AGBL4: variants seen among roughly 807,000 people sequenced by gnomAD.
The protein encoded by AGBL4 is cytosolic carboxypeptidase 6.
A neutral mutation model predicts 66.4 loss-of-function variants in AGBL4; 58 were observed. That is an observed-to-expected ratio of 0.87 (90% CI 0.71 to 1.09). The LOEUF is 1.09. Among genes scored for constraint, AGBL4 ranks in the 50% least tolerant of loss-of-function variants. The pLI is 0.00. For synonymous variants in AGBL4, 234 were observed against 222.9 expected (o/e 1.05, Z -0.44); for missense variants, 579 against 631.0 (o/e 0.92, Z 0.88).
intron 11 of AGBL4, among the ~76,000 whole-genome samples, chr1:48,548,762 T>TC (rs772996529): frequency 1.3e-5 from 2 of 152,106 alleles, no homozygotes; most frequent in East Asian, 3.9e-4. Flanking sequence ...ACTTCTCCTT[T>TC]CCCCCTAGTT....
At chr1:48,609,117 A>T (rs1253384263) in intron 9 of AGBL4, among the ~76,000 whole-genome samples, 1 of 152,156 alleles carries the variant, frequency 6.6e-6, no homozygotes, top group African/African-American at 2.4e-5. Context: ...GGAGGCCAAG[A>T]TGTGGATAAA....
chr1:48,818,763 C>T (rs1646244651), intron 6 of AGBL4, among the ~76,000 whole-genome samples: 1 of 151,714 alleles, frequency 6.6e-6, no homozygotes, highest in South Asian at 2.1e-4. Context: ...TTATAATATG[C>T]ATGCAAAAAA....
intron 11 of AGBL4, among the ~76,000 whole-genome samples, chr1:48,546,789 CAAAA>C (rs1644167678): frequency 6.7e-6 from 1 of 149,610 alleles, no homozygotes; most frequent in South Asian, 2.1e-4. Flanking sequence ...TGGTTAAAAA[CAAAA>C]GAAGACAAAA....
chr1:48,650,751 GTTACAGGGAGGATGTGGACCCCCTCT>G (rs1645916132), intron 8 of AGBL4, among the ~76,000 whole-genome samples: 1 of 152,182 alleles, frequency 6.6e-6, no homozygotes, highest in South Asian at 2.1e-4. Context: ...CATAACACTG[GTTACAGGGAGGATGTGGACCCCCTCT>G]CACTTAACTT....
At chr1:48,835,631 G>T (rs192436631) in intron 6 of AGBL4, among the ~76,000 whole-genome samples, 1 of 152,222 alleles carries the variant, frequency 6.6e-6, no homozygotes, top group East Asian at 1.9e-4. Context: ...TTCAGGGGTA[G>T]TTCAGGGGTC....
chr1:49,874,663 AT>A (rs1391560285), intron 1 of AGBL4, among the ~76,000 whole-genome samples: 5 of 152,138 alleles, frequency 3.3e-5, no homozygotes, highest in Non-Finnish European at 7.4e-5. Context: ...TTGCTCAAGT[AT>A]TATTCTACAG....
intron 3 of AGBL4, among the ~76,000 whole-genome samples, chr1:49,511,787 G>C (rs1208513820): frequency 6.6e-6 from 1 of 151,834 alleles, no homozygotes; most frequent in Non-Finnish European, 1.5e-5. Flanking sequence ...CTGTTGGACA[G>C]AATGACCTCT....
intron 2 of AGBL4, among the ~76,000 whole-genome samples, chr1:49,808,830 A>G (rs1193526703): frequency 2.6e-5 from 4 of 152,224 alleles, no homozygotes; most frequent in Non-Finnish European, 5.9e-5. Context: ...GAAGATTGCT[A>G]GGATATGAAA....
Position 48,621,735 on chromosome 1 carries a change from T to C in AGBL4, c.951+12758A>G, listed in dbSNP as rs187370001. On this transcript the variant is annotated intron_variant, in intron 9 of 13. Coordinates refer to ENST00000371839, the MANE Select transcript of AGBL4 (RefSeq NM_032785.4). ...TCTTCATAAACATCCATTATATGAA[T>C]GTATCATGATTGACTCAGTTTACCA... Among the ~76,000 whole-genome samples the C allele has an allele frequency of 1.5e-3, 228 of 152,288 alleles. 1 individual carries two copies. The highest frequency in any genetic ancestry group is 5.2e-3 in the African/African-American group (218 of 41,560).
Position 48,728,134 on chromosome 1 carries a change from A to G in AGBL4, c.635-64893T>C, listed in dbSNP as rs1355828274. 8 of 1,174,248 alleles carry G rather than the reference A, an allele frequency of 6.8e-6. No homozygotes were observed. In the African/African-American group the frequency reaches 9.3e-5, roughly 14 times the overall value. The allele number at this position is 1,174,248 out of a possible 1,614,324, so 72.7% of individuals were successfully genotyped here. ...GGTAAAAGAAAATGTACCTCCCAAC[A>G]TACTTCCCAAATACCAGCTTATGTA... On this transcript the variant is annotated intron_variant, in intron 6 of 13. Transcript: ENST00000371839.
intron 2 of AGBL4, among the ~76,000 whole-genome samples, chr1:49,826,653 T>C (rs1645517795): frequency 6.6e-6 from 1 of 152,208 alleles, no homozygotes; most frequent in South Asian, 2.1e-4. Flanking sequence ...TACTCATCCA[T>C]GAAAGAAGAA....
At chr1:49,968,774 C>G (rs1657792733) in intron 1 of AGBL4, among the ~76,000 whole-genome samples, 1 of 152,138 alleles carries the variant, frequency 6.6e-6, no homozygotes, top group Non-Finnish European at 1.5e-5. Flanking sequence ...AAAGGGATGG[C>G]TAGAGCTCCA....
At position 49,843,149 on chromosome 1, in the gene AGBL4, C is replaced by T. The variant is rs557811632; in HGVS notation, c.157+8247G>A. Among the ~76,000 whole-genome samples, 26 of 152,190 alleles carry T rather than the reference C, an allele frequency of 1.7e-4. No individual in the cohort carries two copies. The East Asian group carries it at 2.1e-3, about 12-fold the overall frequency. On this transcript the variant is annotated intron_variant, in intron 2 of 13. Transcript: ENST00000371839. ...AGGGTCCCTCCACATCAATAACAGA[C>T]GGGGTGTTGCTCTCTTGCCCAGGCT...
At chr1:49,877,370 G>C (rs1415685342) in intron 1 of AGBL4, among the ~76,000 whole-genome samples, 1 of 151,954 alleles carries the variant, frequency 6.6e-6, no homozygotes, top group Non-Finnish European at 1.5e-5. Context: ...TAGCTTGAAG[G>C]GTTGTTGAAT....
chr1:49,960,081 A>G (rs1434818429), intron 1 of AGBL4, among the ~76,000 whole-genome samples: 1 of 151,928 alleles, frequency 6.6e-6, no homozygotes, highest in Non-Finnish European at 1.5e-5. Flanking sequence ...GCTTATTACC[A>G]TGGTGCTGAA....
intron 5 of AGBL4, among the ~76,000 whole-genome samples, chr1:48,900,583 A>G (rs1254505317): frequency 6.6e-6 from 1 of 152,240 alleles, no homozygotes; most frequent in Non-Finnish European, 1.5e-5. Flanking sequence ...ACCCACACAT[A>G]TATAGACAAC....
intron 6 of AGBL4, among the ~76,000 whole-genome samples, chr1:48,821,419 AG>A (rs1451760341): frequency 6.6e-6 from 1 of 152,230 alleles, no homozygotes; most frequent in African/African-American, 2.4e-5. Flanking sequence ...AGCCATGAAA[AG>A]AATGAAATCA....
At chr1:48,900,378 A>G (rs1216488233) in intron 5 of AGBL4, among the ~76,000 whole-genome samples, 1 of 152,272 alleles carries the variant, frequency 6.6e-6, no homozygotes, top group Non-Finnish European at 1.5e-5. Context: ...TTGTTATAAA[A>G]ATGTCATACT....
chr1:49,554,741 T>C (rs1653269546), intron 3 of AGBL4, among the ~76,000 whole-genome samples: 1 of 152,218 alleles, frequency 6.6e-6, no homozygotes, highest in African/African-American at 2.4e-5. Context: ...AGATGGTGTG[T>C]CTGGAGTTTG....
Sources: gnomAD v4.1 joint callset for allele counts (sites outside exome capture counted in the v4.1 genomes callset) on GRCh38, gnomAD v4.1.1 for gene constraint, MANE v1.5 for transcripts, NCBI Gene and HGNC (gene_info 2026-07-23, HGNC 2026-07-21) for gene names.